KDM4A: variants seen among roughly 807,000 people sequenced by gnomAD.
The protein encoded by KDM4A is lysine-specific demethylase 4A.
KDM4A carries 23 observed loss-of-function variants against 127.1 expected under a neutral mutation model. The ratio of observed to expected loss-of-function variants is 0.18; its 90% CI spans 0.13 to 0.26. The LOEUF (loss-of-function observed/expected upper bound fraction) is 0.26, where lower values mean the gene tolerates loss of function less well. Among genes scored for constraint, KDM4A ranks in the 10% least tolerant of loss-of-function variants. The probability of loss-of-function intolerance (pLI) is 1.00; values close to 1 mark genes in which losing one functional copy is unlikely to be tolerated. For missense variants in KDM4A, 890 were observed against 1,329.1 expected (o/e 0.67, Z 5.14); for synonymous variants, 443 against 466.5 (o/e 0.95, Z 0.65).
At chr1:43,658,194 C>T (rs745353167) in intron 3 of KDM4A, among the ~76,000 whole-genome samples, 76 of 151,604 alleles carry the variant, frequency 5.0e-4, no homozygotes, top group Non-Finnish European at 6.3e-4. Context: ...CTCAGCCTCC[C>T]ATGTAGCTGG....
intron 19 of KDM4A, chr1:43,703,290 T>C (rs1018591025): frequency 7.1e-5 from 16 of 223,862 alleles, no homozygotes; most frequent in Non-Finnish European, 1.3e-4. Context: ...TATTTCTTCA[T>C]GGCAGAGCCC....
intron 11 of KDM4A, among the ~76,000 whole-genome samples, chr1:43,674,168 C>G (rs2154047537): frequency 6.6e-6 from 1 of 152,274 alleles, no homozygotes; most frequent in East Asian, 1.9e-4. Context: ...GTCTCGAAAT[C>G]CTGGGTTCAA....
rs1418482222 is a variant in KDM4A at position 43,671,631 on chromosome 1, G to A, written c.1490G>A (p.Gly497Glu). 1 of 1,613,724 alleles carries A rather than the reference G, an allele frequency of 6.2e-7. No homozygotes were observed. The part of the protein sequence containing the change: ...DLSVNPASVG[G>E]RLVFSGSKKK... ...TCTGTGAATCCTGCGTCTGTAGGGGGACGCCTTGTCTTCTCAGGCTCCAAA... is the reference window on the plus strand; with the variant it reads ...TCTGTGAATCCTGCGTCTGTAGGGGAACGCCTTGTCTTCTCAGGCTCCAAA... Residue 497 changes from glycine (G) to glutamate (E), a missense_variant, in exon 11 of 22, where the codon GGA becomes GAA. Coordinates refer to ENST00000372396, the MANE Select transcript of KDM4A (RefSeq NM_014663.3).
intron 11 of KDM4A, among the ~76,000 whole-genome samples, chr1:43,672,501 C>CTT (rs377068138): frequency 5.4e-5 from 7 of 130,292 alleles, no homozygotes; most frequent in Admixed American, 3.1e-4. Flanking sequence ...GTTTTTTTTT[C>CTT]TTTTTTTTTT....
chr1:43,658,069 A>T (rs1006991780), intron 3 of KDM4A, among the ~76,000 whole-genome samples: 1 of 140,626 alleles, frequency 7.1e-6, no homozygotes, highest in African/African-American at 2.6e-5. Flanking sequence ...GTAAAAACAT[A>T]ACTTTTTTTT....
rs1045585072 is a variant in KDM4A at position 43,693,707 on chromosome 1, A to G, written c.2376-287A>G. The stretch of plus-strand genomic sequence containing the variant: ...CACTCCCTGAGACCTGCCACACACC[A>G]TTAGCCTGCAGCTCTGTTCATTTTT... On this transcript the variant is annotated intron_variant, in intron 16 of 21. Coordinates refer to ENST00000372396, the MANE Select transcript of KDM4A (RefSeq NM_014663.3). This position sits in a 1 kb window ranked among gnomAD's most constrained non-coding sequence, Gnocchi z 4.2. Among the ~76,000 whole-genome samples the G allele has an allele frequency of 2.0e-5, 3 of 152,244 alleles. No individual in the cohort carries two copies. The highest frequency in any genetic ancestry group is 6.5e-5 in the Admixed American group (1 of 15,286).
Position 43,693,086 on chromosome 1 carries a change from T to G in KDM4A, c.2375+775T>G, listed in dbSNP as rs1661157079. On this transcript the variant is annotated intron_variant, in intron 16 of 21. Transcript: ENST00000372396. This position sits in a 1 kb window ranked among gnomAD's most constrained non-coding sequence, Gnocchi z 4.2. ...AGAGATAGCTACTCTGCCTGCTGCTTCTGCTCCTTCAAAGGCACTTGCTGC... is the reference window on the plus strand; with the variant it reads ...AGAGATAGCTACTCTGCCTGCTGCTGCTGCTCCTTCAAAGGCACTTGCTGC... Among the ~76,000 whole-genome samples, 1 of 152,226 alleles carries G rather than the reference T, an allele frequency of 6.6e-6. No individual in the cohort carries two copies. The highest frequency in any genetic ancestry group is 1.5e-5 in the Non-Finnish European group (1 of 68,038).
Position 43,669,161 on chromosome 1 carries a change from G to A in KDM4A, c.1225G>A (p.Val409Met). ...HRVCLEIPQE[V>M]SQSELFPKED... ...AGTTTGTCTTGAAATACCACAGGAG[G>A]TGAGTCAGAGTGAGCTCTTCCCCAA... The change falls in exon 10 of 22, where the codon GTG becomes ATG. Residue 409 changes from valine to methionine, a missense_variant. Physicochemically the swap from Val to Met is conservative, Grantham distance 21. This residue lies in a region of KDM4A where 389 missense variants were observed against 485.9 expected (regional missense o/e 0.80). Coordinates refer to ENST00000372396, the MANE Select transcript of KDM4A (RefSeq NM_014663.3). 6.2e-7 allele frequency: 1 copy of A among 1,614,224 alleles called. No individual in the cohort carries two copies. Among genetic ancestry groups the A allele is most frequent in the Non-Finnish European group, 8.5e-7 (1 of 1,180,034 alleles).
intron 5 of KDM4A, among the ~76,000 whole-genome samples, chr1:43,664,915 T>C (rs1570825504): frequency 6.6e-6 from 1 of 152,212 alleles, no homozygotes; most frequent in Non-Finnish European, 1.5e-5. Flanking sequence ...GTGACATTTT[T>C]GTCAACTCTT....
intron 2 of KDM4A, among the ~76,000 whole-genome samples, chr1:43,654,722 TG>T (rs1660198029): frequency 7.4e-6 from 1 of 135,722 alleles, no homozygotes; most frequent in East Asian, 2.1e-4. Context: ...TGTGTGTGTG[TG>T]TGTGTGTGTG....
At chr1:43,650,611 G>A (rs1269776535) in intron 1 of KDM4A, 1 of 152,504 alleles carries the variant, frequency 6.6e-6, no homozygotes, top group Admixed American at 6.5e-5. Context: ...TCGCGGGAGC[G>A]GCTGCGAGGG....
chr1:43,665,841 C>A, intron 6 of KDM4A, 96 bp downstream of exon 6: 1 of 1,311,126 alleles, frequency 7.6e-7, no homozygotes, highest in Non-Finnish European at 1.1e-6. Flanking sequence ...CAGATACTTG[C>A]AGGTCCTGTT....
chr1:43,687,056 T>G (rs1387682352), intron 12 of KDM4A, among the ~76,000 whole-genome samples: 1 of 152,196 alleles, frequency 6.6e-6, no homozygotes, highest in African/African-American at 2.4e-5. Context: ...CTGTTTCTGT[T>G]TCTTCCATTC....
At chr1:43,703,861 G>A in intron 20 of KDM4A, 125 bp downstream of exon 20, 1 of 1,389,768 alleles carries the variant, frequency 7.2e-7, no homozygotes, top group Non-Finnish European at 1.0e-6. Flanking sequence ...TCAGAGCTAG[G>A]GGTCTGCCCT....
intron 18 of KDM4A, 47 bp from the exon 19 acceptor site, chr1:43,697,796 C>A (rs750502605): frequency 2.4e-4 from 375 of 1,565,482 alleles, no homozygotes; most frequent in Non-Finnish European, 3.2e-4. Context: ...ATATGCCAGG[C>A]CTGCAAACTC....
chr1:43,675,412 G>T (rs1660718867), intron 11 of KDM4A, among the ~76,000 whole-genome samples: 1 of 152,228 alleles, frequency 6.6e-6, no homozygotes, highest in Non-Finnish European at 1.5e-5. Context: ...GGGTTGCAGT[G>T]TAGAGTTCTG....
At chr1:43,675,801 C>T (rs952791816) in intron 11 of KDM4A, among the ~76,000 whole-genome samples, 1 of 152,006 alleles carries the variant, frequency 6.6e-6, no homozygotes, top group South Asian at 2.1e-4. Context: ...GGCCGGGTGC[C>T]GTGGTGCATG....
At position 43,694,973 on chromosome 1, in the gene KDM4A, C is replaced by CAG; in HGVS notation, c.2670+80_2670+81dup. On this transcript the variant is annotated intron_variant, in intron 18 of 21. Coordinates refer to ENST00000372396, the MANE Select transcript of KDM4A (RefSeq NM_014663.3). The surrounding 1 kb of genome is among the most constrained non-coding windows in gnomAD (Gnocchi z 5.2). ...TCTGCATGTTTTCCATTTGTTGTAT[C>CAG]AGCAACTATTTCCTCAAGCATTCTG... 7.5e-7 allele frequency: 1 copy of CAG among 1,339,816 alleles called. No individual in the cohort carries two copies. Among genetic ancestry groups the CAG allele is most frequent in the Non-Finnish European group, 1.0e-6 (1 of 977,484 alleles). The allele number at this position is 1,339,816 out of a possible 1,614,324, so 83.0% of individuals were successfully genotyped here. A position where few individuals can be genotyped will look rare whatever the true frequency, so the allele number is the denominator to read the frequency against.
At chr1:43,652,923 A>T (rs1392469452) in intron 1 of KDM4A, among the ~76,000 whole-genome samples, 1 of 151,846 alleles carries the variant, frequency 6.6e-6, no homozygotes, top group African/African-American at 2.4e-5. Context: ...ACCTCAGGCG[A>T]TGCACCCGCT....
Sources: allele counts gnomAD v4.1 joint callset (sites outside exome capture counted in the v4.1 genomes callset), GRCh38; gene constraint gnomAD v4.1.1; regional missense constraint gnomAD v4.1.1; non-coding constraint Gnocchi (gnomAD v3.1); transcripts MANE v1.5; gene names NCBI Gene and HGNC (gene_info 2026-07-23, HGNC 2026-07-21).